TRAPPC9: variants seen among roughly 807,000 people sequenced by gnomAD.
TRAPPC9 encodes trafficking protein particle complex subunit 9.
In TRAPPC9, 83 loss-of-function variants were observed where a neutral mutation model predicts 124.0. That is an observed-to-expected ratio of 0.67 (90% CI 0.56 to 0.80). The LOEUF is 0.80. Among genes scored for constraint, TRAPPC9 ranks in the 30% least tolerant of loss-of-function variants. The pLI is 0.00. For missense variants in TRAPPC9, 1,302 were observed against 1,508.3 expected (o/e 0.86, Z 2.27); for synonymous variants, 638 against 617.5 (o/e 1.03, Z -0.49).
intron 17 of TRAPPC9, among the ~76,000 whole-genome samples, chr8:140,152,797 T>C (rs1194919724): frequency 6.6e-6 from 1 of 152,200 alleles, no homozygotes; most frequent in Non-Finnish European, 1.5e-5. Context: ...GCAATTCTTT[T>C]TGTTAGGTTT....
intron 17 of TRAPPC9, among the ~76,000 whole-genome samples, chr8:140,213,939 C>T (rs995940569): frequency 5.9e-5 from 9 of 152,212 alleles, no homozygotes; most frequent in Admixed American, 6.5e-5. Flanking sequence ...ATGCTGGTGT[C>T]CGCTCCCTGA....
intron 19 of TRAPPC9, chr8:139,916,751 T>A (rs1832159962): frequency 6.6e-6 from 1 of 152,266 alleles, no homozygotes; most frequent in Non-Finnish European, 1.5e-5. Context: ...CCAGATCATA[T>A]GATTCAGTCT....
chr8:140,016,697 G>A (rs1839487974), intron 18 of TRAPPC9, among the ~76,000 whole-genome samples: 1 of 152,146 alleles, frequency 6.6e-6, no homozygotes, highest in Non-Finnish European at 1.5e-5. Context: ...CTGTTGATGG[G>A]CATTTGGGGT....
intron 19 of TRAPPC9, among the ~76,000 whole-genome samples, chr8:139,987,208 C>G (rs112574160): frequency 6.6e-6 from 1 of 152,132 alleles, no homozygotes; most frequent in East Asian, 1.9e-4. Flanking sequence ...CTGGCTAGAA[C>G]GTTGTATAGG....
intron 17 of TRAPPC9, among the ~76,000 whole-genome samples, chr8:140,084,573 C>G (rs1563748331): frequency 6.6e-6 from 1 of 152,206 alleles, no homozygotes; most frequent in Non-Finnish European, 1.5e-5. Context: ...CAGAATGTAT[C>G]ACTTCCCCAG....
chr8:139,874,597 G>T (rs1264263841), intron 21 of TRAPPC9, among the ~76,000 whole-genome samples: 1 of 152,248 alleles, frequency 6.6e-6, no homozygotes, highest in African/African-American at 2.4e-5. Context: ...GAGGCAGCAG[G>T]TATGAAGGCC....
intron 16 of TRAPPC9, among the ~76,000 whole-genome samples, chr8:140,242,136 C>G (rs1158339566): frequency 1.4e-5 from 2 of 146,170 alleles, no homozygotes; most frequent in Non-Finnish European, 3.0e-5. Context: ...AAGAGGCAGA[C>G]AGAGAGAGAG....
chr8:140,051,725 G>A (rs981371353), intron 17 of TRAPPC9, among the ~76,000 whole-genome samples: 4 of 152,004 alleles, frequency 2.6e-5, no homozygotes, highest in Non-Finnish European at 5.9e-5. Flanking sequence ...AGGATGCATC[G>A]TAAGGACGGC....
At chr8:139,826,993 G>A (rs374562302) in intron 21 of TRAPPC9, among the ~76,000 whole-genome samples, 37 of 152,316 alleles carry the variant, frequency 2.4e-4, no homozygotes, top group African/African-American at 8.7e-4. Flanking sequence ...CTGCTTGCCG[G>A]TCCATCTTCC....
chr8:139,969,621 A>C (rs769445209), intron 19 of TRAPPC9, among the ~76,000 whole-genome samples: 7 of 152,220 alleles, frequency 4.6e-5, no homozygotes, highest in Non-Finnish European at 7.3e-5. Context: ...CCTGCAGCTA[A>C]CACTGAAGGG....
chr8:140,000,452 A>T (rs1454951902), intron 18 of TRAPPC9, among the ~76,000 whole-genome samples: 1 of 152,262 alleles, frequency 6.6e-6, no homozygotes, highest in Non-Finnish European at 1.5e-5. Flanking sequence ...GGCAACCTAC[A>T]GAATGGGAGA....
chr8:140,425,560 C>CATTTGGCGGGGCTT (rs1564015801), intron 5 of TRAPPC9, among the ~76,000 whole-genome samples: 6 of 152,262 alleles, frequency 3.9e-5, no homozygotes, highest in African/African-American at 1.4e-4. Context: ...TCTTATAGCT[C>CATTTGGCGGGGCTT]TAAGCTACTT....
chr8:140,065,884 C>T (rs1391775561), intron 17 of TRAPPC9, among the ~76,000 whole-genome samples: 7 of 152,206 alleles, frequency 4.6e-5, no homozygotes, highest in African/African-American at 1.7e-4. Flanking sequence ...ATTTTGCAAA[C>T]ATTGACATTT....
intron 17 of TRAPPC9, among the ~76,000 whole-genome samples, chr8:140,202,033 C>A (rs1435053491): frequency 1.3e-5 from 2 of 152,118 alleles, no homozygotes; most frequent in African/African-American, 4.8e-5. Context: ...TGAGTTTGCA[C>A]CACAACAATG....
At chr8:140,448,167 A>T (rs79252897) in intron 2 of TRAPPC9, among the ~76,000 whole-genome samples, 1 of 144,030 alleles carries the variant, frequency 6.9e-6, no homozygotes, top group South Asian at 2.2e-4. Flanking sequence ...AAAAAAAAAA[A>T]TTAGAGAACC....
intron 18 of TRAPPC9, among the ~76,000 whole-genome samples, chr8:140,005,269 T>C (rs1838673952): frequency 6.6e-6 from 1 of 152,130 alleles, no homozygotes; most frequent in Non-Finnish European, 1.5e-5. Flanking sequence ...CCTCTAGCAG[T>C]GACACCAGGG....
intron 17 of TRAPPC9, among the ~76,000 whole-genome samples, chr8:140,134,552 C>T (rs556646795): frequency 7.4e-4 from 113 of 152,316 alleles, no homozygotes; most frequent in African/African-American, 2.7e-3. Context: ...GGTTGGCCAG[C>T]CAATCGATTT....
chr8:140,210,269 C>A (rs1463949246), intron 17 of TRAPPC9, among the ~76,000 whole-genome samples: 1 of 152,218 alleles, frequency 6.6e-6, no homozygotes. Flanking sequence ...CAGGGCCACG[C>A]CGCTGTCTTC....
intron 17 of TRAPPC9, among the ~76,000 whole-genome samples, chr8:140,184,301 A>G (rs1434376262): frequency 6.6e-6 from 1 of 152,228 alleles, no homozygotes; most frequent in Non-Finnish European, 1.5e-5. Context: ...GCAACACACA[A>G]GGAAAAAAAA....
Sources: gnomAD v4.1 joint callset for allele counts (sites outside exome capture counted in the v4.1 genomes callset) on GRCh38, gnomAD v4.1.1 for gene constraint, MANE v1.5 for transcripts, NCBI Gene and HGNC (gene_info 2026-07-23, HGNC 2026-07-21) for gene names.